Variants in MGST2 observed in about 807,000 individuals in gnomAD.
MGST2 encodes the protein microsomal glutathione S-transferase 2, also known as glutathione peroxidase MGST2.
Under a neutral mutation model 16.6 loss-of-function variants are expected in MGST2, and 9 were observed. That is an observed-to-expected ratio of 0.54 (90% confidence interval 0.33 to 0.95). MGST2 has a LOEUF of 0.95. Ranked by LOEUF, MGST2 falls within the 40% of genes least tolerant of loss-of-function variation. The pLI is 0.03. For synonymous variants in MGST2, 79 were observed against 68.0 expected (o/e 1.16, Z -0.79); for missense variants, 159 against 175.1 (o/e 0.91, Z 0.52).
downstream of MGST2, among the ~76,000 whole-genome samples, chr4:139,743,724 T>C (rs1729232955): frequency 6.6e-6 from 1 of 152,228 alleles, no homozygotes; most frequent in African/African-American, 2.4e-5. Flanking sequence ...GGGGATAATT[T>C]GTACTGAAGG....
chr4:139,679,088 C>A (rs1031311836), intron 2 of MGST2: 6 of 182,876 alleles, frequency 3.3e-5, no homozygotes, highest in African/African-American at 1.2e-4. Context: ...AATCAGAAAC[C>A]TGTAAGAATG....
chr4:139,750,658 A>G, the MGST2 span, among the ~76,000 whole-genome samples: 1 of 152,196 alleles, frequency 6.6e-6, no homozygotes, highest in Admixed American at 6.5e-5. Flanking sequence ...CAGCTGATAA[A>G]AATATAAATT....
chr4:139,726,957 C>G (rs1728497839), intron 5 of MGST2, among the ~76,000 whole-genome samples: 1 of 152,188 alleles, frequency 6.6e-6, no homozygotes, highest in African/African-American at 2.4e-5. Flanking sequence ...TGTTGTTTAA[C>G]CTGCTCCCTG....
At chr4:139,719,092 G>A (rs1411865791) in intron 5 of MGST2, 7 of 502,440 alleles carry the variant, frequency 1.4e-5, no homozygotes, top group South Asian at 9.7e-5. Context: ...TCCCTCTCTC[G>A]CAGCCGGGAT....
At chr4:139,696,601 ACCCTTCATCC>A (rs552836574) in intron 3 of MGST2, among the ~76,000 whole-genome samples, 283 of 152,144 alleles carry the variant, frequency 1.9e-3, no homozygotes, top group Middle Eastern at 0.01. Context: ...ATATCTTGAG[ACCCTTCATCC>A]CCCACATTCT....
intron 1 of MGST2, among the ~76,000 whole-genome samples, chr4:139,676,680 CA>C (rs1730977160): frequency 1.3e-5 from 2 of 152,140 alleles, no homozygotes; most frequent in African/African-American, 4.8e-5. Context: ...GGTGTTTGAC[CA>C]AACAACTAGG....
At chr4:139,751,952 G>C in the MGST2 span, among the ~76,000 whole-genome samples, 5 of 152,182 alleles carry the variant, frequency 3.3e-5, no homozygotes, top group African/African-American at 1.2e-4. Context: ...CATATAAAAG[G>C]AAGCCTGTAT....
chr4:139,685,804 C>T (rs764545829), intron 2 of MGST2, among the ~76,000 whole-genome samples: 2 of 152,214 alleles, frequency 1.3e-5, no homozygotes, highest in Non-Finnish European at 2.9e-5. Flanking sequence ...GCTGGGACTA[C>T]AGGCATGTGC....
At position 139,691,681 on chromosome 4, in the gene MGST2, TGATGATGATG is replaced by T. The variant is rs1560747792; in HGVS notation, c.159-3515_159-3506del. On this transcript the variant is annotated intron_variant, in intron 2 of 4. Transcript: ENST00000265498. ...ACTGGCAGTCAGATGATGATGATGA[TGATGATGATG>T]ATGATGATTATTATTATTATTATTT... is the stretch of plus-strand genomic sequence containing the variant. Among the ~76,000 whole-genome samples the T allele has an allele frequency of 9.0e-4, 125 of 138,484 alleles. 3 individuals carry two copies. Among genetic ancestry groups the T allele is most frequent in the Admixed American group, 8.1e-3 (116 of 14,346 alleles). The allele number at this position is 138,484 out of a possible 152,430, so 90.9% of individuals were successfully genotyped here.
chr4:139,737,045 T>C (rs1341471530), intron 5 of MGST2, among the ~76,000 whole-genome samples: 1 of 152,154 alleles, frequency 6.6e-6, no homozygotes, highest in Admixed American at 6.6e-5. Flanking sequence ...ACTACTCCAG[T>C]TGCAACTGTG....
intron 5 of MGST2, among the ~76,000 whole-genome samples, chr4:139,712,764 G>A (rs1369082326): frequency 6.6e-6 from 1 of 152,160 alleles, no homozygotes; most frequent in African/African-American, 2.4e-5. Context: ...TATGAGGCCA[G>A]TTCCCCAAAG....
chr4:139,695,376 C>T, intron 3 of MGST2, 109 bp downstream of exon 3: 1 of 916,024 alleles, frequency 1.1e-6, no homozygotes, highest in Non-Finnish European at 1.8e-6. Context: ...ATTCCCAGCA[C>T]TTTGGGAGGC....
At chr4:139,706,077 G>A (rs376430054), downstream of MGST2, among the ~76,000 whole-genome samples, 1 of 152,040 alleles carries the variant, frequency 6.6e-6, no homozygotes, top group Non-Finnish European at 1.5e-5. Flanking sequence ...AAAAAGGCCG[G>A]GAAAAATATT....
chr4:139,730,841 T>A, intron 5 of MGST2: 1 of 619,182 alleles, frequency 1.6e-6, no homozygotes, highest in Non-Finnish European at 2.8e-6. Context: ...CGACCTTACC[T>A]GAGTAGAATG....
At chr4:139,725,239 C>G (rs979249006) in intron 5 of MGST2, among the ~76,000 whole-genome samples, 1 of 152,180 alleles carries the variant, frequency 6.6e-6, no homozygotes, top group Non-Finnish European at 1.5e-5. Flanking sequence ...CTTCTACATT[C>G]AAAAGAGACT....
intron 5 of MGST2, among the ~76,000 whole-genome samples, chr4:139,734,107 A>T (rs750745365): frequency 3.0e-4 from 46 of 152,234 alleles, no homozygotes; most frequent in Non-Finnish European, 6.5e-4. Context: ...TCTGAGGTGT[A>T]TTCCAAAGTG....
At chr4:139,731,794 T>C (rs1188225728) in intron 5 of MGST2, among the ~76,000 whole-genome samples, 1 of 152,224 alleles carries the variant, frequency 6.6e-6, no homozygotes, top group Admixed American at 6.5e-5. Flanking sequence ...CCCAGGTGAC[T>C]ACATGGAGAA....
chr4:139,742,803 G>T (rs1729209367), downstream of MGST2, among the ~76,000 whole-genome samples: 1 of 152,182 alleles, frequency 6.6e-6, no homozygotes. Flanking sequence ...GGAAGTTGAT[G>T]GGAAACTTTT....
chr4:139,681,657 T>C (rs1731247893), intron 2 of MGST2, among the ~76,000 whole-genome samples: 1 of 152,258 alleles, frequency 6.6e-6, no homozygotes, highest in Non-Finnish European at 1.5e-5. Context: ...ATTTTAATTA[T>C]AATTTTAAAA....
Sources: allele counts gnomAD v4.1 joint callset (sites outside exome capture counted in the v4.1 genomes callset), GRCh38; gene constraint gnomAD v4.1.1; transcripts MANE v1.5; gene names NCBI Gene and HGNC (gene_info 2026-07-23, HGNC 2026-07-21).